The following EXOC6B variants were observed in gnomAD, a reference collection of about 807,000 sequenced individuals.
EXOC6B encodes exocyst complex component 6B.
EXOC6B carries 54 observed loss-of-function variants against 113.5 expected under a neutral mutation model. That is an observed-to-expected ratio of 0.48 (90% CI 0.38 to 0.60). The LOEUF (loss-of-function observed/expected upper bound fraction) is 0.60, where lower values mean the gene tolerates loss of function less well. Ranked by LOEUF, EXOC6B falls within the 20% of genes least tolerant of loss-of-function variation. EXOC6B has a pLI of 0.00. For synonymous variants in EXOC6B, 357 were observed against 339.0 expected (o/e 1.05, Z -0.58); for missense variants, 797 against 977.5 (o/e 0.82, Z 2.46).
At chr2:72,802,249 C>T (rs1055659223) in intron 1 of EXOC6B, among the ~76,000 whole-genome samples, 6 of 149,746 alleles carry the variant, frequency 4.0e-5, no homozygotes, top group African/African-American at 1.5e-4. Context: ...CGCTTGAACG[C>T]AGGAGGTGGA....
chr2:72,818,311 A>ATTTT (rs1183950982), intron 1 of EXOC6B, among the ~76,000 whole-genome samples: 5 of 117,834 alleles, frequency 4.2e-5, no homozygotes, highest in African/African-American at 9.9e-5. Flanking sequence ...GGCCCAGCTA[A>ATTTT]TTTTTTTTTT....
chr2:72,576,964 A>G (rs926227816), intron 6 of EXOC6B, among the ~76,000 whole-genome samples: 4 of 152,126 alleles, frequency 2.6e-5, no homozygotes, highest in Non-Finnish European at 4.4e-5. Flanking sequence ...AATCTTCTGC[A>G]TAAGGTTAAT....
chr2:72,738,986 A>G (rs540016050), intron 2 of EXOC6B, among the ~76,000 whole-genome samples: 1 of 152,342 alleles, frequency 6.6e-6, no homozygotes, highest in South Asian at 2.1e-4. Context: ...ATTTATTTAC[A>G]TGTAAAGTAT....
intron 6 of EXOC6B, among the ~76,000 whole-genome samples, chr2:72,645,965 G>A (rs917514417): frequency 1.3e-5 from 2 of 152,090 alleles, no homozygotes; most frequent in African/African-American, 4.8e-5. Flanking sequence ...AGGAGATAGA[G>A]ACACAAAAAA....
At chr2:72,196,251 C>T (rs1376823711) in intron 20 of EXOC6B, among the ~76,000 whole-genome samples, 1 of 151,980 alleles carries the variant, frequency 6.6e-6, no homozygotes, top group African/African-American at 2.4e-5. Flanking sequence ...TACATCTTGC[C>T]TTATATGAGT....
At chr2:72,531,629 T>C (rs942059112) in intron 8 of EXOC6B, among the ~76,000 whole-genome samples, 2 of 152,166 alleles carry the variant, frequency 1.3e-5, no homozygotes, top group Admixed American at 6.5e-5. Flanking sequence ...AACAAAATGA[T>C]AGCGAGTAGG....
intron 20 of EXOC6B, among the ~76,000 whole-genome samples, chr2:72,246,772 C>G (rs1682693247): frequency 6.6e-6 from 1 of 152,120 alleles, no homozygotes; most frequent in Non-Finnish European, 1.5e-5. Context: ...GCAACTGCAC[C>G]CAGCCTGGAA....
chr2:72,192,807 A>T (rs942481575), intron 20 of EXOC6B, among the ~76,000 whole-genome samples: 5 of 152,188 alleles, frequency 3.3e-5, no homozygotes, highest in Non-Finnish European at 7.4e-5. Context: ...TCCTTGAAGT[A>T]AATTTGATGT....
intron 6 of EXOC6B, among the ~76,000 whole-genome samples, chr2:72,578,004 T>G (rs1224385907): frequency 6.6e-6 from 1 of 152,142 alleles, no homozygotes; most frequent in Non-Finnish European, 1.5e-5. Flanking sequence ...GTACTTCATA[T>G]ATATTCTTCT....
intron 1 of EXOC6B, among the ~76,000 whole-genome samples, chr2:72,751,976 T>C (rs996135698): frequency 6.6e-6 from 1 of 152,140 alleles, no homozygotes; most frequent in African/African-American, 2.4e-5. Flanking sequence ...TCTTCATAGC[T>C]AAACTTTGGT....
intron 20 of EXOC6B, among the ~76,000 whole-genome samples, chr2:72,289,623 TG>T (rs1338944648): frequency 6.6e-6 from 1 of 152,218 alleles, no homozygotes; most frequent in African/African-American, 2.4e-5. Flanking sequence ...GTTAATTTTA[TG>T]TATCAACTTT....
intron 6 of EXOC6B, among the ~76,000 whole-genome samples, chr2:72,620,501 T>C (rs1671680221): frequency 6.6e-6 from 1 of 151,304 alleles, no homozygotes; most frequent in African/African-American, 2.4e-5. Context: ...TTAAATAATT[T>C]TAAATTTAAA....
chr2:72,732,806 T>C (rs573869799), intron 3 of EXOC6B, among the ~76,000 whole-genome samples: 1 of 152,020 alleles, frequency 6.6e-6, no homozygotes, highest in South Asian at 2.1e-4. Flanking sequence ...ATTGAGGAAA[T>C]AACATATCAG....
At chr2:72,697,984 T>C (rs919932821) in intron 6 of EXOC6B, among the ~76,000 whole-genome samples, 3 of 152,166 alleles carry the variant, frequency 2.0e-5, no homozygotes, top group Admixed American at 2.0e-4. Flanking sequence ...GGCATATTTC[T>C]ATATTAGATC....
chr2:72,618,403 C>T (rs921718873), intron 6 of EXOC6B, among the ~76,000 whole-genome samples: 2 of 151,994 alleles, frequency 1.3e-5, no homozygotes, highest in Admixed American at 6.6e-5. Context: ...GAAATCCCTT[C>T]ATATTATTGT....
chr2:72,337,695 G>A (rs915609866), intron 19 of EXOC6B, among the ~76,000 whole-genome samples: 2 of 152,104 alleles, frequency 1.3e-5, no homozygotes, highest in African/African-American at 4.8e-5. Flanking sequence ...AATGACAGTT[G>A]CATCAGGTAT....
chr2:72,477,025 C>T (rs1209865959), intron 17 of EXOC6B, among the ~76,000 whole-genome samples: 1 of 152,120 alleles, frequency 6.6e-6, no homozygotes, highest in African/African-American at 2.4e-5. Context: ...TGGGAATTCT[C>T]CTCTGTTGAG....
At chr2:72,682,907 T>C (rs1676815023) in intron 6 of EXOC6B, among the ~76,000 whole-genome samples, 1 of 152,180 alleles carries the variant, frequency 6.6e-6, no homozygotes, top group East Asian at 1.9e-4. Flanking sequence ...TGAACCACTA[T>C]AAAAGTTCTC....
intron 6 of EXOC6B, among the ~76,000 whole-genome samples, chr2:72,601,270 C>T (rs1288149969): frequency 2.0e-5 from 3 of 151,944 alleles, no homozygotes; most frequent in African/African-American, 7.3e-5. Context: ...GCAAGCTCCA[C>T]CTCCCGGGTT....
Sources: allele counts gnomAD v4.1 joint callset (sites outside exome capture counted in the v4.1 genomes callset), GRCh38; gene constraint gnomAD v4.1.1; transcripts MANE v1.5; gene names NCBI Gene and HGNC (gene_info 2026-07-23, HGNC 2026-07-21).